The following SAMD4B variants were observed in gnomAD, a reference collection of about 807,000 sequenced individuals.
SAMD4B encodes the protein sterile alpha motif domain containing 4B, also known as protein Smaug homolog 2.
Under a neutral mutation model 74.5 loss-of-function variants are expected in SAMD4B, and 5 were observed. That is an observed-to-expected ratio of 0.07 (90% confidence interval 0.04 to 0.14). The LOEUF (loss-of-function observed/expected upper bound fraction) is 0.14, where lower values mean the gene tolerates loss of function less well. Among genes scored for constraint, SAMD4B ranks in the 10% least tolerant of loss-of-function variants. SAMD4B has a pLI of 1.00. For synonymous variants in SAMD4B, 373 were observed against 374.9 expected (o/e 1.00, Z 0.06); for missense variants, 608 against 921.8 (o/e 0.66, Z 4.41).
chr19:39,388,857 G>A (rs1294085224), downstream of SAMD4B: 30 of 1,613,880 alleles, frequency 1.9e-5, no homozygotes, highest in Non-Finnish European at 2.5e-5. Flanking sequence ...CACATGGATT[G>A]ATCCACATCT....
At chr19:39,385,756 T>C, downstream of SAMD4B, 1 of 607,320 alleles carries the variant, frequency 1.6e-6, no homozygotes, top group Non-Finnish European at 2.9e-6. Flanking sequence ...GCCTCTGGCC[T>C]GTGTTTCTAA....
At chr19:39,345,405 G>A (rs1206189822) in intron 1 of SAMD4B, among the ~76,000 whole-genome samples, 1 of 152,172 alleles carries the variant, frequency 6.6e-6, no homozygotes, top group Non-Finnish European at 1.5e-5. Context: ...CTTCCTCAGT[G>A]CTTTCTCTTT....
At position 39,383,233 on chromosome 19, in the gene SAMD4B, G is replaced by A; in HGVS notation, c.1998G>A (p.Leu666=). The change falls in exon 13 of 14, where the codon CTG becomes CTA. Residue 666 remains leucine, a synonymous_variant. Coordinates refer to ENST00000610417, the MANE Select transcript of SAMD4B (RefSeq NM_001384574.2). This position sits in a 1 kb window ranked among gnomAD's most constrained non-coding sequence, Gnocchi z 4.1. Reference sequence around the variant, plus strand: ...ACTGCCCGGTTCCTGGGCCTGACCTGGAGATCAATCCCACTCTGGAGTCTC... The same window carrying A: ...ACTGCCCGGTTCCTGGGCCTGACCTAGAGATCAATCCCACTCTGGAGTCTC... ...PPDCPVPGPD[L]EINPTLESLC... 4.3e-6 allele frequency: 7 copies of A among 1,614,082 alleles called. No individual in the cohort carries two copies. The highest frequency in any genetic ancestry group is 5.1e-6 in the Non-Finnish European group (6 of 1,180,002).
chr19:39,378,123 G>C lies in SAMD4B; in HGVS notation c.1444+299G>C, dbSNP rs2145816345. 1.3e-5 allele frequency among the ~76,000 whole-genome samples: 2 copies of C among 152,322 alleles called. No homozygotes were observed. The highest frequency in any genetic ancestry group is 1.3e-4 in the Admixed American group (2 of 15,306). On this transcript the variant is annotated intron_variant, in intron 8 of 13. Coordinates refer to ENST00000610417, the MANE Select transcript of SAMD4B (RefSeq NM_001384574.2). This position sits in a 1 kb window ranked among gnomAD's most constrained non-coding sequence, Gnocchi z 4.4. ...GGTGAGCAGTTGAGGGGAGTCCATT[G>C]ATTTCTCTCAGAGGGGACCAAAGTC...
At chr19:39,374,388 T>C (rs2077481905) in intron 4 of SAMD4B, among the ~76,000 whole-genome samples, 1 of 152,166 alleles carries the variant, frequency 6.6e-6, no homozygotes, top group African/African-American at 2.4e-5. Context: ...AGTGGCCAGT[T>C]TGGGCTCACT....
chr19:39,380,146 G>A lies in SAMD4B; in HGVS notation c.1649+62G>A, dbSNP rs77778230. 3.9e-3 allele frequency: 4,926 copies of A among 1,249,380 alleles called. 120 individuals are homozygous for A. The African/African-American group carries it at 0.056, about 14-fold the overall frequency. The allele number at this position is 1,249,380 out of a possible 1,614,324, so 77.4% of individuals were successfully genotyped here. On this transcript the variant is annotated intron_variant, in intron 10 of 13. Coordinates refer to ENST00000610417, the MANE Select transcript of SAMD4B (RefSeq NM_001384574.2). ...ATAGGCCTTTGCTGGTTAGCAGATC[G>A]TGCTTAGAGGGGTGATTGTGTTCTG...
At chr19:39,370,534 C>T (rs1483248984) in intron 4 of SAMD4B, among the ~76,000 whole-genome samples, 1 of 152,184 alleles carries the variant, frequency 6.6e-6, no homozygotes, top group African/African-American at 2.4e-5. Flanking sequence ...GTGCCCTAGT[C>T]TGCCTCTGCT....
In SAMD4B at chr19:39,379,192, G is replaced by A. The variant is rs920251086; in HGVS notation, c.1530+603G>A. Among the ~76,000 whole-genome samples the A allele has an allele frequency of 2.0e-5, 3 of 152,042 alleles. No homozygotes were observed. The South Asian group carries it at 6.3e-4, about 32-fold the overall frequency. On this transcript the variant is annotated intron_variant, in intron 9 of 13. Transcript: ENST00000610417. ...CGTGACGATTTTCTTTTTTAGAGAT[G>A]GAGTATTGCTTTATTGCCTAGGCTG...
rs901245980 is a variant in SAMD4B at position 39,384,821 on chromosome 19, C to G, written c.*1294C>G. 6.6e-6 allele frequency: 1 copy of G among 151,840 alleles called. No individual in the cohort carries two copies. Among genetic ancestry groups the G allele is most frequent in the African/African-American group, 2.4e-5 (1 of 41,128 alleles). The allele number at this position is 151,840 out of a possible 1,614,324, so 9.4% of individuals were successfully genotyped here. The stretch of plus-strand genomic sequence containing the variant: ...GGAAAAAAAATGTTATTTTTAGATA[C>G]ATTTTATGAATAACTTTTGTTATGA... On this transcript the variant is annotated 3_prime_UTR_variant, in exon 14 of 14. Transcript: ENST00000610417.
chr19:39,388,742 T>G, downstream of SAMD4B: 1 of 1,610,680 alleles, frequency 6.2e-7, no homozygotes, highest in South Asian at 1.1e-5. Context: ...CAGGCCAAGG[T>G]GGACAGCAGG....
chr19:39,376,576 C>T, intron 6 of SAMD4B, 30 bp downstream of exon 6: 1 of 1,596,472 alleles, frequency 6.3e-7, no homozygotes, highest in Non-Finnish European at 8.6e-7. Flanking sequence ...CAGGGAGGTG[C>T]TGGGGGCAGC....
downstream of SAMD4B, chr19:39,386,156 G>A: frequency 6.2e-7 from 1 of 1,614,122 alleles, no homozygotes; most frequent in Non-Finnish European, 8.5e-7. This position sits in a 1 kb window ranked among gnomAD's most constrained non-coding sequence, Gnocchi z 6.1. Context: ...CATTGTCACT[G>A]CCACCTTGGG....
intron 3 of SAMD4B, among the ~76,000 whole-genome samples, chr19:39,366,826 T>C (rs1384040756): frequency 6.6e-6 from 1 of 152,148 alleles, no homozygotes; most frequent in Non-Finnish European, 1.5e-5. Context: ...CCTAAGGAAC[T>C]TGGGTTGAAA....
intron 3 of SAMD4B, among the ~76,000 whole-genome samples, chr19:39,368,507 A>G (rs1036701838): frequency 6.6e-6 from 1 of 152,212 alleles, no homozygotes; most frequent in African/African-American, 2.4e-5. Flanking sequence ...CTTTATCTGG[A>G]GGAATGGGAG....
rs200519869 is a variant in SAMD4B at position 39,380,765 on chromosome 19, C to T, written c.1828C>T (p.Leu610Phe). 135 of 1,566,480 alleles carry T rather than the reference C, an allele frequency of 8.6e-5. No homozygotes were observed. The African/African-American group carries it at 1.5e-3, about 17-fold the overall frequency. The change falls in exon 11 of 14, where the codon CTT (leucine) becomes TTT (phenylalanine). Residue 610 changes from leucine (L) to phenylalanine (F), a missense_variant. Coordinates refer to ENST00000610417, the MANE Select transcript of SAMD4B (RefSeq NM_001384574.2). ...TCGACATGCCCTCACCAGCCCCAGC[C>T]TTGGAGGCCAGGGCCGACAGGTAAG... is the stretch of plus-strand genomic sequence containing the variant. ...SPRHALTSPS[L>F]GGQGRQNLWF...
At chr19:39,364,125 G>A (rs929110227) in intron 3 of SAMD4B, among the ~76,000 whole-genome samples, 4 of 152,114 alleles carry the variant, frequency 2.6e-5, no homozygotes, top group African/African-American at 2.4e-5. Flanking sequence ...CCCCTTTCTC[G>A]GCAGCAGAAC....
intron 1 of SAMD4B, among the ~76,000 whole-genome samples, chr19:39,352,778 T>A (rs1327338488): frequency 6.6e-6 from 1 of 152,218 alleles, no homozygotes; most frequent in Non-Finnish European, 1.5e-5. Flanking sequence ...GGAACAGTGC[T>A]GTTGCTTAGG....
At position 39,380,986 on chromosome 19, in the gene SAMD4B, G is replaced by C. The variant is rs1401719865; in HGVS notation, c.1849-4G>C. ...TACTTTCTCTCTTCCTGGGACCTGT[G>C]TAGAACCTGTGGTTTGCCAACCCTG... On this transcript the variant is annotated splice_polypyrimidine_tract_variant and splice_region_variant and intron_variant, in intron 11 of 13. Transcript: ENST00000610417. 1.2e-6 allele frequency: 2 copies of C among 1,606,046 alleles called. No homozygotes were observed. Among genetic ancestry groups the C allele is most frequent in the Non-Finnish European group, 1.7e-6 (2 of 1,176,384 alleles).
chr19:39,357,241 A>G (rs2076386024), intron 3 of SAMD4B, 152 bp downstream of exon 3: 3 of 619,808 alleles, frequency 4.8e-6, no homozygotes, highest in African/African-American at 1.9e-5. Flanking sequence ...AGTTGTCATC[A>G]TGGGTCTTCT....
Sources: gnomAD v4.1 joint callset for allele counts (sites outside exome capture counted in the v4.1 genomes callset) on GRCh38, gnomAD v4.1.1 for gene constraint, Gnocchi (gnomAD v3.1) non-coding constraint, MANE v1.5 for transcripts, NCBI Gene and HGNC (gene_info 2026-07-23, HGNC 2026-07-21) for gene names.